C13orf46: variants seen among roughly 807,000 people sequenced by gnomAD.
C13orf46 encodes uncharacterized protein C13orf46.
the C13orf46 span, among the ~76,000 whole-genome samples, chr13:113,934,801 C>G: frequency 1.3e-5 from 2 of 152,228 alleles, no homozygotes; most frequent in Non-Finnish European, 2.9e-5. Context: ...ACGGGAACTC[C>G]GCCAGCACCT....
At chr13:113,929,711 CTGGTTCACAT>C in the C13orf46 span, among the ~76,000 whole-genome samples, 5 of 152,232 alleles carry the variant, frequency 3.3e-5, no homozygotes, top group African/African-American at 1.2e-4. Flanking sequence ...CCACAAGCAA[CTGGTTCACAT>C]TGGAGCCCCC....
chr13:113,931,008 G>C, the C13orf46 span, among the ~76,000 whole-genome samples: 2 of 152,208 alleles, frequency 1.3e-5, no homozygotes, highest in South Asian at 2.1e-4. Flanking sequence ...GGTGACTGAG[G>C]GTCGCTGGGT....
rs1244333096 is a variant in C13orf46 at position 113,969,448 on chromosome 13, A to G, written c.243-688T>C. ...GAGTGGGAGGCTCCAGGCGCCGCAC[A>G]CATCCTGTCTAACACACGAACACTC... is the stretch of plus-strand genomic sequence containing the variant. On this transcript the variant is annotated intron_variant, in intron 2 of 6. Coordinates refer to ENST00000636427, the MANE Select transcript of C13orf46 (RefSeq NM_001365455.2). 4.6e-5 allele frequency among the ~76,000 whole-genome samples: 7 copies of G among 152,344 alleles called. No individual in the cohort carries two copies. The East Asian group carries it at 1.4e-3, about 30-fold the overall frequency.
the C13orf46 span, among the ~76,000 whole-genome samples, chr13:113,948,001 T>C: frequency 4.6e-5 from 7 of 152,350 alleles, no homozygotes; most frequent in East Asian, 1.4e-3. Flanking sequence ...CCAGCGCCCA[T>C]CGGGGCCATG....
intron 1 of C13orf46, among the ~76,000 whole-genome samples, chr13:113,971,801 G>A (rs1003755532): frequency 1.3e-5 from 2 of 152,332 alleles, no homozygotes; most frequent in Admixed American, 6.5e-5. Context: ...CCAAGGCCAC[G>A]TCGGACTCTA....
chr13:113,957,383 G>T (rs2052546042), intron 6 of C13orf46, among the ~76,000 whole-genome samples: 1 of 145,450 alleles, frequency 6.9e-6, no homozygotes, highest in South Asian at 2.2e-4. Context: ...GCACACTGGG[G>T]GGTCTCCCCC....
Position 113,953,764 on chromosome 13 carries a change from C to G in C13orf46, c.*3009G>C, listed in dbSNP as rs2052499416. On this transcript the variant is annotated 3_prime_UTR_variant, in exon 7 of 7. Transcript: ENST00000636427. ...GGGTGCTGGGAGCCACCCGGCAGAG[C>G]TGCCGCCTCCTGCCCCACCAAGGGG... 1 of 152,270 alleles carries G rather than the reference C, an allele frequency of 6.6e-6. No individual in the cohort carries two copies. Among genetic ancestry groups the G allele is most frequent in the African/African-American group, 2.4e-5 (1 of 41,468 alleles). The allele number at this position is 152,270 out of a possible 1,614,324, so 9.4% of individuals were successfully genotyped here.
At chr13:113,966,767 T>C (rs1490167952) in intron 5 of C13orf46, among the ~76,000 whole-genome samples, 3 of 151,664 alleles carry the variant, frequency 2.0e-5, no homozygotes, top group Non-Finnish European at 2.9e-5. Context: ...AATGATGGTG[T>C]TGATGCTGAG....
At chr13:113,952,343 C>T (rs907231361), downstream of C13orf46, among the ~76,000 whole-genome samples, 57 of 118,828 alleles carry the variant, frequency 4.8e-4, 2 homozygotes, top group South Asian at 5.3e-3. Flanking sequence ...GCTGTGTGGC[C>T]GCCGCTCCCG....
Position 113,954,492 on chromosome 13 carries a change from A to G in C13orf46, c.*2281T>C. 6.6e-6 allele frequency: 1 copy of G among 152,376 alleles called. No homozygotes were observed. The highest frequency in any genetic ancestry group is 1.5e-5 in the Non-Finnish European group (1 of 68,108). 9.4% of individuals were successfully genotyped at this position (152,376 alleles called of 1,614,324 possible). On this transcript the variant is annotated 3_prime_UTR_variant, in exon 7 of 7. Coordinates refer to ENST00000636427, the MANE Select transcript of C13orf46 (RefSeq NM_001365455.2). ...GGGAGCATGTGGCTTCCCTCCAGGG[A>G]CAGATCCTAGTGCCAGCACCACAGT...
the C13orf46 span, among the ~76,000 whole-genome samples, chr13:113,942,286 A>G: frequency 6.6e-6 from 1 of 152,224 alleles, no homozygotes. Context: ...CTGCAGGAGA[A>G]CCTCGATGGA....
At chr13:113,962,728 A>G (rs2052597085) in intron 6 of C13orf46, among the ~76,000 whole-genome samples, 1 of 152,214 alleles carries the variant, frequency 6.6e-6, no homozygotes, top group Non-Finnish European at 1.5e-5. Context: ...ATGGAGGCTG[A>G]GACCAGGAGA....
chr13:113,940,187 G>A, the C13orf46 span, among the ~76,000 whole-genome samples: 2 of 152,248 alleles, frequency 1.3e-5, no homozygotes, highest in African/African-American at 2.4e-5. Context: ...CTACTGAAGA[G>A]GGGAAGGAAG....
chr13:113,940,518 T>A, the C13orf46 span, among the ~76,000 whole-genome samples: 1 of 132,190 alleles, frequency 7.6e-6, no homozygotes, highest in Non-Finnish European at 1.7e-5. Context: ...ACTCCATGTG[T>A]GAGGCTGAGC....
intron 6 of C13orf46, 24 bp from the exon 7 acceptor site, chr13:113,956,863 T>G (rs1368979260): frequency 1.3e-5 from 2 of 152,334 alleles, no homozygotes; most frequent in Non-Finnish European, 2.9e-5. Flanking sequence ...GGAGGGCAGG[T>G]GGGTGAGAAA....
chr13:113,939,449 C>A, the C13orf46 span, among the ~76,000 whole-genome samples: 1 of 151,664 alleles, frequency 6.6e-6, no homozygotes, highest in African/African-American at 2.4e-5. Context: ...GATCACCCAA[C>A]TGGGAAGATG....
At chr13:113,959,919 G>A (rs2052574121) in intron 6 of C13orf46, among the ~76,000 whole-genome samples, 1 of 152,288 alleles carries the variant, frequency 6.6e-6, no homozygotes, top group Admixed American at 6.5e-5. Context: ...TGTGTAAGTT[G>A]GCTGTGATTA....
chr13:113,953,942 G>C lies in C13orf46; in HGVS notation c.*2831C>G, dbSNP rs896579103. ...GGTTGTCTGGGAAATGATGACTCTG[G>C]GGCCGATGGGCACTTATCTTCTGTG... On this transcript the variant is annotated 3_prime_UTR_variant, in exon 7 of 7. Coordinates refer to ENST00000636427, the MANE Select transcript of C13orf46 (RefSeq NM_001365455.2). The C allele has an allele frequency of 2.0e-5, 3 of 152,318 alleles. No homozygotes were observed. Among genetic ancestry groups the C allele is most frequent in the African/African-American group, 7.2e-5 (3 of 41,468 alleles). 9.4% of individuals were successfully genotyped at this position (152,318 alleles called of 1,614,324 possible).
At chr13:113,946,957 C>T in the C13orf46 span, among the ~76,000 whole-genome samples, 2 of 152,236 alleles carry the variant, frequency 1.3e-5, no homozygotes, top group Non-Finnish European at 2.9e-5. Flanking sequence ...GTGCGTGGGC[C>T]GAAGGCACCC....
Sources: allele counts gnomAD v4.1 joint callset (sites outside exome capture counted in the v4.1 genomes callset), GRCh38; gene constraint gnomAD v4.1.1; transcripts MANE v1.5; gene names NCBI Gene and HGNC (gene_info 2026-07-23, HGNC 2026-07-21).